Variants in CDH12 observed in about 807,000 individuals in gnomAD.
CDH12 encodes cadherin 12, also known as cadherin-12.
In CDH12, 41 loss-of-function variants were observed where a neutral mutation model predicts 74.1. That is an observed-to-expected ratio of 0.55 (90% confidence interval 0.43 to 0.72). CDH12 has a LOEUF of 0.72. CDH12 is among the 30% of genes least tolerant of loss of function. CDH12 has a pLI of 0.00. For synonymous variants in CDH12, 399 were observed against 355.0 expected, an observed-to-expected ratio of 1.12 and a Z score of -1.39; for missense variants, 945 against 977.2, an observed-to-expected ratio of 0.97 and a Z score of 0.44.
intron 6 of CDH12, chr5:21,889,500 A>G: frequency 1.3e-6 from 1 of 792,202 alleles, no homozygotes; most frequent in Non-Finnish European, 1.5e-6. Context: ...ATCTTTTGAA[A>G]GAAAAATATA....
chr5:22,399,509 G>A (rs1380044416), intron 3 of CDH12, among the ~76,000 whole-genome samples: 2 of 152,106 alleles, frequency 1.3e-5, no homozygotes, highest in African/African-American at 4.8e-5. Context: ...AAGGACATCT[G>A]TTCCATTGCC....
Position 22,674,926 on chromosome 5 carries a change from C to A in CDH12, c.-522-169562G>T, listed in dbSNP as rs142115675. On this transcript the variant is annotated intron_variant, in intron 1 of 14. Coordinates refer to ENST00000382254, the MANE Select transcript of CDH12 (RefSeq NM_004061.5). ...GAGGTGACTTGGGTGCTGTTAAAGG[C>A]ATTCTGTTTTAAAAGGGAAACAGAG... Among the ~76,000 whole-genome samples, 612 of 152,206 alleles carry A rather than the reference C, an allele frequency of 4.0e-3. 3 individuals carry two copies. The highest frequency in any genetic ancestry group is 0.014 in the African/African-American group (591 of 41,534).
chr5:22,595,546 T>A (rs1736562578), intron 1 of CDH12, among the ~76,000 whole-genome samples: 1 of 152,190 alleles, frequency 6.6e-6, no homozygotes, highest in Non-Finnish European at 1.5e-5. Context: ...GTATGGTTAT[T>A]TCATATTCAC....
chr5:21,954,398 G>T (rs1272710507), intron 6 of CDH12, among the ~76,000 whole-genome samples: 3 of 151,886 alleles, frequency 2.0e-5, no homozygotes, highest in Non-Finnish European at 4.4e-5. Context: ...ACACACACTT[G>T]CATGTGAGAG....
At chr5:21,826,055 A>C (rs2149959178) in intron 8 of CDH12, among the ~76,000 whole-genome samples, 1 of 152,306 alleles carries the variant, frequency 6.6e-6, no homozygotes, top group Admixed American at 6.5e-5. Flanking sequence ...AACGTGGTCA[A>C]GAACCATTTT....
At chr5:22,285,259 T>C (rs1355350520) in intron 3 of CDH12, among the ~76,000 whole-genome samples, 2 of 152,092 alleles carry the variant, frequency 1.3e-5, no homozygotes, top group Non-Finnish European at 2.9e-5. Flanking sequence ...TTCCTTAAAA[T>C]AAATCTTGAG....
intron 2 of CDH12, among the ~76,000 whole-genome samples, chr5:22,427,143 C>T (rs1743973557): frequency 6.6e-6 from 1 of 152,054 alleles, no homozygotes; most frequent in Admixed American, 6.6e-5. Flanking sequence ...ATTATTTGTA[C>T]AAACCCTATA....
At chr5:21,982,488 T>A (rs1757347735) in intron 5 of CDH12, among the ~76,000 whole-genome samples, 1 of 151,766 alleles carries the variant, frequency 6.6e-6, no homozygotes, top group Non-Finnish European at 1.5e-5. Flanking sequence ...TAGAGAGATA[T>A]ATCTATATAG....
chr5:22,336,892 T>C (rs1422871847), intron 3 of CDH12, among the ~76,000 whole-genome samples: 1 of 152,146 alleles, frequency 6.6e-6, no homozygotes, highest in African/African-American at 2.4e-5. Flanking sequence ...GGTAGATCCA[T>C]TGACAGCTTG....
chr5:22,423,145 A>G (rs1019735454), intron 2 of CDH12, among the ~76,000 whole-genome samples: 2 of 151,812 alleles, frequency 1.3e-5, no homozygotes, highest in East Asian at 3.9e-4. Flanking sequence ...TATCTCCATC[A>G]CAATTTGTGC....
intron 1 of CDH12, among the ~76,000 whole-genome samples, chr5:22,624,537 T>C (rs1264649525): frequency 6.6e-6 from 1 of 152,168 alleles, no homozygotes; most frequent in Non-Finnish European, 1.5e-5. Context: ...GACATTTATG[T>C]AGCCAACAGA....
intron 2 of CDH12, among the ~76,000 whole-genome samples, chr5:22,452,564 T>A (rs935144522): frequency 4.6e-5 from 7 of 151,912 alleles, no homozygotes; most frequent in Non-Finnish European, 1.0e-4. Context: ...ATATACAAAA[T>A]TCAACTCAAA....
intron 1 of CDH12, among the ~76,000 whole-genome samples, chr5:22,821,329 C>T (rs1014357652): frequency 1.3e-5 from 2 of 152,126 alleles, no homozygotes; most frequent in African/African-American, 4.8e-5. Context: ...CGGCACAAGA[C>T]AGGGATGCCC....
At chr5:22,772,928 C>T (rs988442437) in intron 1 of CDH12, among the ~76,000 whole-genome samples, 7 of 151,882 alleles carry the variant, frequency 4.6e-5, no homozygotes, top group Non-Finnish European at 5.9e-5. Context: ...ATTAAAATAC[C>T]TAGAAATACA....
chr5:22,749,542 CA>C (rs1745456112), intron 1 of CDH12, among the ~76,000 whole-genome samples: 1 of 151,984 alleles, frequency 6.6e-6, no homozygotes, highest in African/African-American at 2.4e-5. Flanking sequence ...TACATAGAGA[CA>C]AAATAACTTA....
intron 1 of CDH12, among the ~76,000 whole-genome samples, chr5:22,708,650 C>T (rs1743143306): frequency 6.6e-6 from 1 of 151,806 alleles, no homozygotes; most frequent in Non-Finnish European, 1.5e-5. Context: ...CGTGGGTGTG[C>T]GGCTGGAGTT....
intron 7 of CDH12, among the ~76,000 whole-genome samples, chr5:21,848,011 AAAAT>A (rs1226042601): frequency 6.6e-6 from 1 of 152,148 alleles, no homozygotes; most frequent in African/African-American, 2.4e-5. Flanking sequence ...AAATATTAGT[AAAAT>A]AAATAAAGTA....
intron 4 of CDH12, among the ~76,000 whole-genome samples, chr5:22,103,550 C>T (rs1744267374): frequency 6.6e-6 from 1 of 152,192 alleles, no homozygotes. Context: ...GTTCCTTCTC[C>T]ACTGCAAGCA....
intron 1 of CDH12, among the ~76,000 whole-genome samples, chr5:22,533,730 A>C (rs1737699124): frequency 1.3e-5 from 2 of 152,226 alleles, no homozygotes; most frequent in Non-Finnish European, 2.9e-5. Context: ...TCTACTGAGC[A>C]CAGTTGAAAA....
Sources: gnomAD v4.1 joint callset for allele counts (sites outside exome capture counted in the v4.1 genomes callset) on GRCh38, gnomAD v4.1.1 for gene constraint, MANE v1.5 for transcripts, NCBI Gene and HGNC (gene_info 2026-07-23, HGNC 2026-07-21) for gene names.